ANAPC4: variants seen among roughly 807,000 people sequenced by gnomAD.
The protein encoded by ANAPC4 is anaphase-promoting complex subunit 4.
Under a neutral mutation model 119.8 loss-of-function variants are expected in ANAPC4, and 63 were observed. The ratio of observed to expected loss-of-function variants is 0.53; its 90% CI spans 0.43 to 0.65. The LOEUF (loss-of-function observed/expected upper bound fraction) is 0.65, where lower values mean the gene tolerates loss of function less well. Among genes scored for constraint, ANAPC4 ranks in the 30% least tolerant of loss-of-function variants. The pLI is 0.00. For missense variants in ANAPC4, 716 were observed against 945.1 expected (o/e 0.76, Z 3.18); for synonymous variants, 283 against 318.6 (o/e 0.89, Z 1.19).
intron 3 of ANAPC4, chr4:25,380,718 C>T (rs550310146): frequency 9.7e-5 from 33 of 341,164 alleles, no homozygotes; most frequent in Admixed American, 1.7e-4. Context: ...AAGATAACTC[C>T]GAAGTGAAAT....
chr4:25,415,263 G>A (rs753492985), intron 25 of ANAPC4: 3 of 428,100 alleles, frequency 7.0e-6, no homozygotes, highest in Non-Finnish European at 1.2e-5. Context: ...AGAAATAATT[G>A]GGTTATTTCT....
intron 2 of ANAPC4, among the ~76,000 whole-genome samples, chr4:25,379,253 G>A (rs1157101586): frequency 6.6e-6 from 1 of 152,122 alleles, no homozygotes; most frequent in Non-Finnish European, 1.5e-5. Flanking sequence ...TGAAAAGCCA[G>A]GACATCATAG....
At chr4:25,383,511 A>C (rs1464555285) in intron 4 of ANAPC4, 118 bp downstream of exon 4, 1 of 995,554 alleles carries the variant, frequency 1.0e-6, no homozygotes, top group Non-Finnish European at 1.3e-6. Flanking sequence ...TTTTGGTTTC[A>C]GTTTATCAAG....
chr4:25,390,902 C>A lies in ANAPC4; in HGVS notation c.601-9C>A. On this transcript the variant is annotated splice_polypyrimidine_tract_variant and intron_variant, in intron 8 of 28. Transcript: ENST00000315368. ...ACTAAATATACTAAGGGGTTTGACTCTTTTACAGATTGCTGGTACTTGTCT... is the reference window on the plus strand; with the variant it reads ...ACTAAATATACTAAGGGGTTTGACTATTTTACAGATTGCTGGTACTTGTCT... 1 of 1,605,748 alleles carries A rather than the reference C, an allele frequency of 6.2e-7. No homozygotes were observed.
chr4:25,384,790 G>C (rs1721940450), intron 4 of ANAPC4, among the ~76,000 whole-genome samples: 1 of 135,884 alleles, frequency 7.4e-6, no homozygotes, highest in African/African-American at 2.6e-5. Context: ...GTGACAGAGT[G>C]ACCTGTCTCA....
At chr4:25,416,702 C>A in intron 27 of ANAPC4, 104 bp downstream of exon 27, 1 of 937,874 alleles carries the variant, frequency 1.1e-6, no homozygotes, top group Non-Finnish European at 1.5e-6. Flanking sequence ...TATTTCGTTA[C>A]TAGAGATAAC....
chr4:25,418,240 A>AGGAG lies in ANAPC4; in HGVS notation c.2287_2290dup (p.Ala764GlyfsTer4). ...CTCGATGAGTCTTCAGATGAAGAGG[A>AGGAG]GGAGGCCAGTAATAAGCCTGTAAAA... On this transcript the variant is annotated frameshift_variant, in exon 29 of 29. Transcript: ENST00000315368. LOFTEE classifies it low-confidence loss of function (END_TRUNC). The AGGAG allele has an allele frequency of 6.2e-7, 1 of 1,614,110 alleles. No individual in the cohort carries two copies. The highest frequency in any genetic ancestry group is 8.5e-7 in the Non-Finnish European group (1 of 1,179,980).
In ANAPC4 at chr4:25,388,415, A is replaced by G. The variant is rs2271388; in HGVS notation, c.369-85A>G. The G allele has an allele frequency of 1.2e-3, 1,041 of 894,382 alleles. 9 individuals carry two copies. In the East Asian group the frequency reaches 0.012, roughly 10 times the overall value. 55.4% of individuals were successfully genotyped at this position (894,382 alleles called of 1,614,324 possible). A position where few individuals can be genotyped will look rare whatever the true frequency, so the allele number is the denominator to read the frequency against. On this transcript the variant is annotated intron_variant, in intron 4 of 28. Transcript: ENST00000315368. ...ACTTGATAATGTTGTAAAACTGGGTATCTTTTTTAAAAATTAGCATTTTTA... is the reference window on the plus strand; with the variant it reads ...ACTTGATAATGTTGTAAAACTGGGTGTCTTTTTTAAAAATTAGCATTTTTA...
At chr4:25,379,579 G>A (rs1367154399) in intron 2 of ANAPC4, among the ~76,000 whole-genome samples, 1 of 152,158 alleles carries the variant, frequency 6.6e-6, no homozygotes, top group Non-Finnish European at 1.5e-5. Flanking sequence ...TCAGGTGAGA[G>A]GCACATTTCA....
intron 16 of ANAPC4, among the ~76,000 whole-genome samples, chr4:25,401,994 T>C (rs946698359): frequency 2.0e-5 from 3 of 152,238 alleles, no homozygotes; most frequent in African/African-American, 7.2e-5. Flanking sequence ...TTCTTTCAGG[T>C]AAGTAGAATT....
intron 21 of ANAPC4, among the ~76,000 whole-genome samples, chr4:25,412,101 C>G (rs1331804068): frequency 6.6e-6 from 1 of 152,100 alleles, no homozygotes; most frequent in African/African-American, 2.4e-5. Context: ...GCTAGAATGG[C>G]TCACAAAACT....
intron 7 of ANAPC4, among the ~76,000 whole-genome samples, chr4:25,389,183 G>A (rs1009517243): frequency 2.1e-5 from 3 of 142,256 alleles, no homozygotes; most frequent in African/African-American, 5.2e-5. Context: ...TTTTTGAGAC[G>A]GAGTCTCGCT....
chr4:25,377,814 C>T (rs1721491494), intron 2 of ANAPC4, among the ~76,000 whole-genome samples: 1 of 152,238 alleles, frequency 6.6e-6, no homozygotes, highest in South Asian at 2.1e-4. Context: ...AGCTTAACAC[C>T]GTCACGCAAT....
intron 4 of ANAPC4, among the ~76,000 whole-genome samples, chr4:25,386,146 CAGG>C: frequency 6.6e-6 from 1 of 152,160 alleles, no homozygotes; most frequent in Non-Finnish European, 1.5e-5. Context: ...CTTCCGACCT[CAGG>C]TAACCCGCCC....
chr4:25,385,871 CA>C (rs1190470798), intron 4 of ANAPC4, among the ~76,000 whole-genome samples: 2 of 152,130 alleles, frequency 1.3e-5, no homozygotes, highest in Non-Finnish European at 2.9e-5. Context: ...AGGGAATGGC[CA>C]GTAAATAGAG....
At chr4:25,409,590 A>C in intron 20 of ANAPC4, 108 bp from the exon 21 acceptor site, 2 of 739,786 alleles carry the variant, frequency 2.7e-6, no homozygotes, top group Admixed American at 5.4e-5. Context: ...TTAGGCCCTA[A>C]GTCTTTGATT....
At chr4:25,397,195 T>A (rs939947635) in intron 16 of ANAPC4, among the ~76,000 whole-genome samples, 1 of 152,252 alleles carries the variant, frequency 6.6e-6, no homozygotes. Flanking sequence ...CTAAATTGTA[T>A]GACTATGCCA....
At chr4:25,394,605 G>T (rs902256606) in intron 12 of ANAPC4, 66 bp from the exon 13 acceptor site, 1 of 1,486,872 alleles carries the variant, frequency 6.7e-7, no homozygotes, top group Non-Finnish European at 9.1e-7. Flanking sequence ...AAATTTAAAA[G>T]TTGTAAGTGA....
In ANAPC4 at chr4:25,415,357, A is replaced by T. The variant is rs750545992; in HGVS notation, c.1827-109A>T. On this transcript the variant is annotated intron_variant, in intron 25 of 28. Coordinates refer to ENST00000315368, the MANE Select transcript of ANAPC4 (RefSeq NM_013367.3). ...CATTTAAACAAGTTCTCAGTGTTCTAAAGAAGTACATGTACTGACCCTGAC... is the reference window on the plus strand; with the variant it reads ...CATTTAAACAAGTTCTCAGTGTTCTTAAGAAGTACATGTACTGACCCTGAC... 5.9e-5 allele frequency: 45 copies of T among 764,776 alleles called. No individual in the cohort carries two copies. In the Admixed American group the frequency reaches 1.3e-3, roughly 23 times the overall value. The allele number at this position is 764,776 out of a possible 1,614,324, so 47.4% of individuals were successfully genotyped here. A position where few individuals can be genotyped will look rare whatever the true frequency, so the allele number is the denominator to read the frequency against.
Sources: allele counts gnomAD v4.1 joint callset (sites outside exome capture counted in the v4.1 genomes callset), GRCh38; gene constraint gnomAD v4.1.1; transcripts MANE v1.5; gene names NCBI Gene and HGNC (gene_info 2026-07-23, HGNC 2026-07-21).